MRTFB: variants seen among roughly 807,000 people sequenced by gnomAD.
MRTFB encodes myocardin-related transcription factor B.
Under a neutral mutation model 104.2 loss-of-function variants are expected in MRTFB, and 29 were observed. The observed-to-expected ratio is 0.28, with a 90% CI of 0.21 to 0.38. The LOEUF (loss-of-function observed/expected upper bound fraction) is 0.38, where lower values mean the gene tolerates loss of function less well. Ranked by LOEUF, MRTFB falls within the 10% of genes least tolerant of loss-of-function variation. The pLI, the probability that MRTFB is intolerant of heterozygous loss-of-function variation, is 1.00. For missense variants in MRTFB, 1,270 were observed against 1,341.6 expected, an observed-to-expected ratio of 0.95 and a Z score of 0.83; for synonymous variants, 535 against 519.5, an observed-to-expected ratio of 1.03 and a Z score of -0.41.
At chr16:14,225,970 C>A (rs2041986323) in intron 8 of MRTFB, among the ~76,000 whole-genome samples, 1 of 152,136 alleles carries the variant, frequency 6.6e-6, no homozygotes, top group African/African-American at 2.4e-5. Context: ...GAGGGGCCAA[C>A]CACCAGTCAT....
At chr16:14,158,275 C>A (rs1055439126) in intron 3 of MRTFB, among the ~76,000 whole-genome samples, 2 of 152,192 alleles carry the variant, frequency 1.3e-5, no homozygotes, top group African/African-American at 4.8e-5. Flanking sequence ...TTTCCACATT[C>A]TTCCTTCTTG....
intron 8 of MRTFB, among the ~76,000 whole-genome samples, chr16:14,224,715 T>C (rs2041919049): frequency 6.6e-6 from 1 of 152,224 alleles, no homozygotes; most frequent in South Asian, 2.1e-4. Flanking sequence ...AACAGTCACC[T>C]GAAAATTGTA....
At chr16:14,063,052 G>A in the MRTFB span, among the ~76,000 whole-genome samples, 10 of 152,164 alleles carry the variant, frequency 6.6e-5, no homozygotes, top group African/African-American at 1.7e-4. Context: ...CGGGGTGCCC[G>A]GACTTACAAT....
chr16:14,041,247 C>G, the MRTFB span, among the ~76,000 whole-genome samples: 1 of 152,196 alleles, frequency 6.6e-6, no homozygotes, highest in Non-Finnish European at 1.5e-5. Flanking sequence ...TGTTCAGTTT[C>G]ATAGTGTGAA....
At chr16:14,206,843 A>G (rs1040251680) in intron 3 of MRTFB, among the ~76,000 whole-genome samples, 5 of 152,054 alleles carry the variant, frequency 3.3e-5, no homozygotes, top group African/African-American at 1.2e-4. Context: ...CAAAGTAGCA[A>G]TGTACCTGAT....
At chr16:14,190,299 A>C (rs1351627115) in intron 3 of MRTFB, among the ~76,000 whole-genome samples, 1 of 152,244 alleles carries the variant, frequency 6.6e-6, no homozygotes, top group African/African-American at 2.4e-5. Context: ...ACTTGTCTAC[A>C]AACGGCTTCA....
intron 2 of MRTFB, among the ~76,000 whole-genome samples, chr16:14,080,663 C>T (rs1356573033): frequency 1.3e-5 from 2 of 152,170 alleles, no homozygotes; most frequent in African/African-American, 2.4e-5. Context: ...CACCTGCCCC[C>T]GACCTTCTAA....
At chr16:14,006,618 C>G in the MRTFB span, among the ~76,000 whole-genome samples, 1 of 152,006 alleles carries the variant, frequency 6.6e-6, no homozygotes, top group Admixed American at 6.5e-5. Flanking sequence ...TTTCTGCGTT[C>G]GCTGCCCTTG....
chr16:14,055,413 G>T, the MRTFB span, among the ~76,000 whole-genome samples: 1 of 152,222 alleles, frequency 6.6e-6, no homozygotes, highest in African/African-American at 2.4e-5. Flanking sequence ...TCTATCGACT[G>T]TATTCAGATT....
chr16:14,082,524 C>G (rs755020712), intron 2 of MRTFB, among the ~76,000 whole-genome samples: 8 of 152,074 alleles, frequency 5.3e-5, no homozygotes, highest in Non-Finnish European at 8.8e-5. Context: ...TGCCGTGGCT[C>G]AAATCCCAGC....
chr16:14,095,462 A>G (rs2035309073), intron 2 of MRTFB, among the ~76,000 whole-genome samples: 1 of 152,224 alleles, frequency 6.6e-6, no homozygotes, highest in South Asian at 2.1e-4. Context: ...GGATGAATGA[A>G]GATGCTACAT....
the MRTFB span, among the ~76,000 whole-genome samples, chr16:14,015,459 A>G: frequency 6.6e-6 from 1 of 152,184 alleles, no homozygotes; most frequent in Non-Finnish European, 1.5e-5. Flanking sequence ...GAGACCAAGA[A>G]ATATAGGGGA....
the MRTFB span, among the ~76,000 whole-genome samples, chr16:14,051,720 T>A: frequency 7.2e-5 from 11 of 152,204 alleles, no homozygotes; most frequent in Non-Finnish European, 1.6e-4. Flanking sequence ...GGTCTGCCTA[T>A]GTGGCAGACT....
chr16:14,002,778 G>A, the MRTFB span, among the ~76,000 whole-genome samples: 1 of 152,020 alleles, frequency 6.6e-6, no homozygotes, highest in Non-Finnish European at 1.5e-5. Flanking sequence ...ATTTCCAGGG[G>A]GAGATTCTGG....
intron 2 of MRTFB, among the ~76,000 whole-genome samples, chr16:14,111,856 T>A (rs2036284907): frequency 6.6e-6 from 1 of 152,156 alleles, no homozygotes. Flanking sequence ...ACAGAAGGAA[T>A]GAGAAGAGAA....
chr16:14,062,490 T>G, the MRTFB span, among the ~76,000 whole-genome samples: 4 of 152,154 alleles, frequency 2.6e-5, no homozygotes, highest in East Asian at 7.7e-4. Context: ...GCAACAGAGG[T>G]TCCAGGTAAG....
chr16:14,078,455 C>G (rs1596710020), intron 1 of MRTFB, among the ~76,000 whole-genome samples: 1 of 151,982 alleles, frequency 6.6e-6, no homozygotes, highest in African/African-American at 2.4e-5. Context: ...CGGGGTCTCT[C>G]TCATGCAGGC....
chr16:14,230,847 G>A (rs909667255), intron 8 of MRTFB, among the ~76,000 whole-genome samples: 8 of 151,274 alleles, frequency 5.3e-5, no homozygotes, highest in African/African-American at 2.0e-4. Flanking sequence ...TGTTTATTGA[G>A]GCACTATTCA....
At chr16:14,173,004 C>A (rs1359287652) in intron 3 of MRTFB, among the ~76,000 whole-genome samples, 1 of 152,130 alleles carries the variant, frequency 6.6e-6, no homozygotes, top group African/African-American at 2.4e-5. Context: ...GAAAACTTTT[C>A]CCTATGTCCA....
Sources: allele counts gnomAD v4.1 joint callset (sites outside exome capture counted in the v4.1 genomes callset), GRCh38; gene constraint gnomAD v4.1.1; transcripts MANE v1.5; gene names NCBI Gene and HGNC (gene_info 2026-07-23, HGNC 2026-07-21).